PI4KA: variants seen among roughly 807,000 people sequenced by gnomAD.
The protein encoded by PI4KA is PI4-kinase alpha.
In PI4KA, 122 loss-of-function variants were observed where a neutral mutation model predicts 271.4. That is an observed-to-expected ratio of 0.45 (90% CI 0.39 to 0.52). The LOEUF (loss-of-function observed/expected upper bound fraction) is 0.52. Among genes scored for constraint, PI4KA ranks in the 20% least tolerant of loss-of-function variants. The pLI is 0.00. For synonymous variants in PI4KA, 1,041 were observed against 1,078.8 expected (o/e 0.96, Z 0.69); for missense variants, 1,969 against 2,769.1 (o/e 0.71, Z 6.48).
At chr22:20,769,538 A>G (rs563548592) in intron 19 of PI4KA, among the ~76,000 whole-genome samples, 44 of 152,112 alleles carry the variant, frequency 2.9e-4, no homozygotes, top group Middle Eastern at 3.4e-3. Context: ...GCGTGGTGGC[A>G]CACACCTGTA....
At chr22:20,806,867 A>AT (rs1163501731) in intron 10 of PI4KA, among the ~76,000 whole-genome samples, 1 of 151,628 alleles carries the variant, frequency 6.6e-6, no homozygotes, top group African/African-American at 2.4e-5. Flanking sequence ...TGTAGCTGGG[A>AT]TTACAGGTGC....
intron 41 of PI4KA, among the ~76,000 whole-genome samples, chr22:20,726,759 C>T (rs1011083131): frequency 2.0e-5 from 3 of 152,218 alleles, no homozygotes; most frequent in African/African-American, 7.2e-5. Flanking sequence ...GCGAGGGCCT[C>T]GTGCTCCTCA....
chr22:20,716,018 T>C (rs1332061604), intron 45 of PI4KA, among the ~76,000 whole-genome samples: 2 of 151,714 alleles, frequency 1.3e-5, no homozygotes, highest in Non-Finnish European at 2.9e-5. Context: ...GCCTCCCAAG[T>C]AGCTGGGATT....
At chr22:20,774,163 T>C (rs1933056106) in intron 19 of PI4KA, 2 of 152,230 alleles carry the variant, frequency 1.3e-5, no homozygotes, top group African/African-American at 2.4e-5. Flanking sequence ...GGGTTTCTAA[T>C]GTTTCTGCTG....
At chr22:20,785,315 C>G (rs910458003) in intron 19 of PI4KA, among the ~76,000 whole-genome samples, 23 of 152,222 alleles carry the variant, frequency 1.5e-4, no homozygotes, top group African/African-American at 5.3e-4. Flanking sequence ...AGCAGTCCTC[C>G]TGCCTTGGCC....
intron 23 of PI4KA, among the ~76,000 whole-genome samples, chr22:20,754,180 C>A (rs192536959): frequency 3.4e-4 from 52 of 152,256 alleles, no homozygotes; most frequent in African/African-American, 1.2e-3. Context: ...CTTGATCTCC[C>A]AGGCTCAAGG....
At chr22:20,774,685 C>T (rs1421450883) in intron 19 of PI4KA, among the ~76,000 whole-genome samples, 3 of 151,028 alleles carry the variant, frequency 2.0e-5, no homozygotes, top group African/African-American at 7.3e-5. Context: ...CGCTTAAACC[C>T]GGGAGGCAGA....
rs1924860831 is a variant in PI4KA, at chr22:20,836,311, C to T, written c.274-1656G>A. On this transcript the variant is annotated intron_variant, in intron 2 of 54. Coordinates refer to ENST00000255882, the MANE Select transcript of PI4KA (RefSeq NM_058004.4). ...ATCAAACAAAATGATGTATTAAGCACTAAGTCTGGGGGGACTTTGTTATAC... is the reference window on the plus strand; with the variant it reads ...ATCAAACAAAATGATGTATTAAGCATTAAGTCTGGGGGGACTTTGTTATAC... Among the ~76,000 whole-genome samples, 3 of 152,164 alleles carry T rather than the reference C, an allele frequency of 2.0e-5. No individual in the cohort carries two copies. In the South Asian group the frequency reaches 6.2e-4, roughly 31 times the overall value.
rs763026560 is a variant in PI4KA at position 20,813,418 on chromosome 22, G to A, written c.945C>T (p.Asn315=). The A allele has an allele frequency of 6.8e-6, 11 of 1,613,092 alleles. No homozygotes were observed. The highest frequency in any genetic ancestry group is 5.5e-5 in the South Asian group (5 of 91,056). ...SSSFSVSPLF[N]GVTYKEFNIP... The stretch of plus-strand genomic sequence containing the variant: ...TGTTAAACTCCTTATATGTGACACC[G>A]TTGAAAAGGGGAGAGACTGAGAAGC... Residue 315 remains asparagine, a synonymous_variant, in exon 8 of 55, where the codon AAC becomes AAT. Transcript: ENST00000255882.
chr22:20,747,757 C>A (rs182282708), intron 28 of PI4KA, 55 bp from the exon 29 acceptor site: 3 of 1,569,416 alleles, frequency 1.9e-6, no homozygotes, highest in Admixed American at 3.4e-5. Context: ...TTTTTAGAGG[C>A]AGGGTCTCGC....
intron 19 of PI4KA, among the ~76,000 whole-genome samples, chr22:20,783,643 A>ATT (rs988952765): frequency 4.6e-5 from 7 of 152,266 alleles, no homozygotes; most frequent in African/African-American, 1.7e-4. Context: ...TAACAGTAAT[A>ATT]AAAGCTGGAA....
intron 18 of PI4KA, among the ~76,000 whole-genome samples, chr22:20,794,137 T>C (rs1934827085): frequency 6.6e-6 from 1 of 152,368 alleles, no homozygotes; most frequent in East Asian, 1.9e-4. Context: ...GCCAAGCTGT[T>C]TTCCCTGGGC....
chr22:20,832,150 C>G (rs1924261237), intron 3 of PI4KA, among the ~76,000 whole-genome samples: 1 of 139,232 alleles, frequency 7.2e-6, no homozygotes, highest in East Asian at 2.1e-4. Context: ...GAGTCTTGCT[C>G]TGTTGCCCAG....
At chr22:20,816,799 G>T (rs574707521) in intron 7 of PI4KA, among the ~76,000 whole-genome samples, 1 of 152,202 alleles carries the variant, frequency 6.6e-6, no homozygotes, top group African/African-American at 2.4e-5. Flanking sequence ...GGAGTGATAC[G>T]TGGGGATCTC....
rs373992252 is a variant in PI4KA at position 20,754,722 on chromosome 22, G to A, written c.2792-1542C>T. On this transcript the variant is annotated intron_variant, in intron 23 of 54. Coordinates refer to ENST00000255882, the MANE Select transcript of PI4KA (RefSeq NM_058004.4). ...CCCAGCACTTTGAGAGGCCGAGGTG[G>A]GTGGATCACGAGGTCAGGAGTTCGA... is the stretch of plus-strand genomic sequence containing the variant. Among the ~76,000 whole-genome samples, 5 of 152,134 alleles carry A rather than the reference G, an allele frequency of 3.3e-5. No individual in the cohort carries two copies. In the South Asian group the frequency reaches 1.0e-3, roughly 32 times the overall value.
chr22:20,754,602 T>G (rs1424190062), intron 23 of PI4KA, among the ~76,000 whole-genome samples: 1 of 152,240 alleles, frequency 6.6e-6, no homozygotes, highest in African/African-American at 2.4e-5. Context: ...CTGCCTGCAG[T>G]AGTTACTGTG....
rs770468103 is a variant in PI4KA at position 20,819,789 on chromosome 22, G to A, written c.641C>T (p.Pro214Leu). ...CTCTTCCAGGACACGGAGGGAATGA[G>A]GAGGGATTTTGGGAAAGAGCTTTGA... ...LLSKLFPKIPPHSLRVLEELE... is the reference protein window; with the variant it reads ...LLSKLFPKIPLHSLRVLEELE... The change falls in exon 6 of 55, where the codon CCT becomes CTT. Residue 214 changes from proline (P) to leucine (L), a missense_variant. By Grantham distance (98) the Pro-to-Leu change is moderately conservative. This residue lies in a region of PI4KA where 540 missense variants were observed against 555.5 expected (regional missense o/e 0.97). Coordinates refer to ENST00000255882, the MANE Select transcript of PI4KA (RefSeq NM_058004.4). The A allele has an allele frequency of 1.2e-6, 2 of 1,614,068 alleles. No homozygotes were observed. The highest frequency in any genetic ancestry group is 4.5e-5 in the East Asian group (2 of 44,902).
At chr22:20,827,132 G>T (rs1255100133) in intron 3 of PI4KA, among the ~76,000 whole-genome samples, 1 of 152,092 alleles carries the variant, frequency 6.6e-6, no homozygotes, top group Admixed American at 6.6e-5. Flanking sequence ...CTTTGCCAGG[G>T]TCTATGTCCA....
In PI4KA at chr22:20,764,939, A is replaced by G. The variant is rs1339263629; in HGVS notation, c.2586T>C (p.Ser862=). ...GGTTGATGATAGTGCTGCGGAGCTC[A>G]CTCAGCTCAGCCTGGAGGGAGAGAA... is the stretch of plus-strand genomic sequence containing the variant. ...KNDTVTPAEL[S]ELRSTIINLL... is the part of the protein sequence containing the mutation. The change falls in exon 22 of 55, where the codon AGT becomes AGC. Residue 862 remains serine, a synonymous_variant. Transcript: ENST00000255882. 1.2e-6 allele frequency: 2 copies of G among 1,606,576 alleles called. No individual in the cohort carries two copies. Among genetic ancestry groups the G allele is most frequent in the Admixed American group, 1.7e-5 (1 of 59,690 alleles).
Sources: gnomAD v4.1 joint callset for allele counts (sites outside exome capture counted in the v4.1 genomes callset) on GRCh38, gnomAD v4.1.1 for gene constraint, gnomAD v4.1.1 regional missense constraint, MANE v1.5 for transcripts, NCBI Gene and HGNC (gene_info 2026-07-23, HGNC 2026-07-21) for gene names.